The following PPFIBP1 variants were observed in gnomAD, a reference collection of about 807,000 sequenced individuals.
PPFIBP1 encodes the protein PPFIB scaffold protein 1.
In PPFIBP1, 112 loss-of-function variants were observed where a neutral mutation model predicts 137.8. That is an observed-to-expected ratio of 0.81 (90% CI 0.70 to 0.95). The LOEUF is 0.95. Ranked by LOEUF, PPFIBP1 falls within the 40% of genes least tolerant of loss-of-function variation. The probability of loss-of-function intolerance (pLI) is 0.00; values close to 1 mark genes in which losing one functional copy is unlikely to be tolerated. For missense variants in PPFIBP1, 1,083 were observed against 1,196.6 expected, an observed-to-expected ratio of 0.91 and a Z score of 1.40; for synonymous variants, 378 against 417.3, an observed-to-expected ratio of 0.91 and a Z score of 1.15.
chr12:27,685,531 T>C (rs553396865), intron 24 of PPFIBP1, among the ~76,000 whole-genome samples: 2 of 152,002 alleles, frequency 1.3e-5, no homozygotes, highest in African/African-American at 4.8e-5. Flanking sequence ...GTGAGTATGT[T>C]CCCCCTGAGA....
Position 27,582,586 on chromosome 12 carries a change from G to T in PPFIBP1, c.-36+4347G>T, listed in dbSNP as rs138058169. Among the ~76,000 whole-genome samples the T allele has an allele frequency of 8.5e-4, 130 of 152,278 alleles. No individual in the cohort carries two copies. In the East Asian group the frequency reaches 0.022, roughly 26 times the overall value. On this transcript the variant is annotated intron_variant, in intron 2 of 29. Coordinates refer to ENST00000228425, the MANE Select transcript of PPFIBP1 (RefSeq NM_003622.4). The stretch of plus-strand genomic sequence containing the variant: ...GCATGGTAATCAAAGAAATGAGATT[G>T]GGTTCCCTGGGTGTGGTCTGCATTC...
intron 1 of PPFIBP1, among the ~76,000 whole-genome samples, chr12:27,558,207 C>T (rs1252579317): frequency 6.6e-6 from 1 of 151,612 alleles, no homozygotes; most frequent in Admixed American, 6.6e-5. Flanking sequence ...TTAGTATGCT[C>T]ACATATTCTC....
intron 2 of PPFIBP1, among the ~76,000 whole-genome samples, chr12:27,592,237 G>A (rs1257057357): frequency 6.6e-6 from 1 of 152,138 alleles, no homozygotes; most frequent in East Asian, 1.9e-4. Context: ...GGATGAATAT[G>A]CAATGGAGTT....
intron 2 of PPFIBP1, among the ~76,000 whole-genome samples, chr12:27,611,118 A>G (rs182600851): frequency 1.3e-3 from 196 of 152,314 alleles, no homozygotes; most frequent in African/African-American, 2.5e-3. Flanking sequence ...CAAATATGCT[A>G]TATCTAATTG....
intron 5 of PPFIBP1, 185 bp downstream of exon 5, chr12:27,646,333 A>T: frequency 1.6e-6 from 1 of 637,122 alleles, no homozygotes; most frequent in Admixed American, 2.1e-5. Context: ...ACCCAGTTTA[A>T]AAGGAGCTAC....
At chr12:27,669,424 T>C (rs2060046469) in intron 13 of PPFIBP1, among the ~76,000 whole-genome samples, 1 of 152,202 alleles carries the variant, frequency 6.6e-6, no homozygotes, top group South Asian at 2.1e-4. Context: ...AATAATCCCA[T>C]ATCCTTTTAG....
chr12:27,634,905 C>T lies in PPFIBP1; in HGVS notation c.65-5C>T. The T allele has an allele frequency of 6.2e-7, 1 of 1,612,668 alleles. No homozygotes were observed. The highest frequency in any genetic ancestry group is 8.5e-7 in the Non-Finnish European group (1 of 1,178,928). On this transcript the variant is annotated splice_region_variant and splice_polypyrimidine_tract_variant and intron_variant, in intron 3 of 29. Transcript: ENST00000228425. ...TTGCTCTCTCTGTGATTTTGTTTAA[C>T]TTAGGTTCTAAGGCTCTGGAATATT...
chr12:27,589,527 C>T (rs1400058905), intron 2 of PPFIBP1, among the ~76,000 whole-genome samples: 1 of 152,192 alleles, frequency 6.6e-6, no homozygotes, highest in Non-Finnish European at 1.5e-5. Context: ...TAATATATAG[C>T]ATGACACCCA....
At chr12:27,595,369 G>A (rs61915337) in intron 2 of PPFIBP1, among the ~76,000 whole-genome samples, 39,455 of 152,118 alleles carry the variant, frequency 0.26, 5,266 homozygotes, top group Middle Eastern at 0.33. Context: ...CCTGAGGCAA[G>A]AAGGGGAGAC....
At chr12:27,575,673 T>C (rs1243789820) in intron 1 of PPFIBP1, among the ~76,000 whole-genome samples, 1 of 152,224 alleles carries the variant, frequency 6.6e-6, no homozygotes, top group Non-Finnish European at 1.5e-5. Context: ...GTGAGTCAAA[T>C]AACAAGCTAT....
intron 2 of PPFIBP1, among the ~76,000 whole-genome samples, chr12:27,625,241 C>T (rs1168072852): frequency 4.6e-5 from 7 of 152,178 alleles, no homozygotes; most frequent in Admixed American, 4.6e-4. Context: ...TAAAATGAGA[C>T]TGTTTCAAAA....
intron 2 of PPFIBP1, among the ~76,000 whole-genome samples, chr12:27,602,218 C>G (rs1334586700): frequency 6.6e-6 from 1 of 152,180 alleles, no homozygotes; most frequent in Non-Finnish European, 1.5e-5. Context: ...TCCAAAGCAT[C>G]TAGAAACAGG....
intron 1 of PPFIBP1, among the ~76,000 whole-genome samples, chr12:27,537,119 A>C (rs1274996218): frequency 3.3e-5 from 5 of 151,520 alleles, no homozygotes; most frequent in Non-Finnish European, 7.4e-5. Context: ...GGAGCCCTGC[A>C]GGTAGTCCCT....
chr12:27,626,148 T>G (rs979723717), intron 2 of PPFIBP1, among the ~76,000 whole-genome samples: 4 of 151,892 alleles, frequency 2.6e-5, no homozygotes, highest in African/African-American at 9.7e-5. Flanking sequence ...GGCTAATAGA[T>G]TGGGGAGGAA....
chr12:27,688,531 C>T lies in PPFIBP1; in HGVS notation c.2496+108C>T, dbSNP rs1013134260. On this transcript the variant is annotated intron_variant, in intron 26 of 29. Coordinates refer to ENST00000228425, the MANE Select transcript of PPFIBP1 (RefSeq NM_003622.4). ...ATAATCCTAAAGTCATCTGACTCAACCCTCCTGCCCTATTTCTAGTAAACC... is the reference window on the plus strand; with the variant it reads ...ATAATCCTAAAGTCATCTGACTCAATCCTCCTGCCCTATTTCTAGTAAACC... The T allele has an allele frequency of 3.7e-5, 47 of 1,287,204 alleles. No homozygotes were observed. In the African/African-American group the frequency reaches 4.3e-4, roughly 12 times the overall value. The allele number at this position is 1,287,204 out of a possible 1,614,324, so 79.7% of individuals were successfully genotyped here.
intron 7 of PPFIBP1, among the ~76,000 whole-genome samples, chr12:27,653,943 G>A (rs1204882749): frequency 6.6e-6 from 1 of 152,126 alleles, no homozygotes; most frequent in African/African-American, 2.4e-5. Context: ...GTTGAAAATT[G>A]TCATTAAACT....
chr12:27,537,460 CA>C (rs1432175058), intron 1 of PPFIBP1, among the ~76,000 whole-genome samples: 1 of 152,076 alleles, frequency 6.6e-6, no homozygotes, highest in Non-Finnish European at 1.5e-5. Flanking sequence ...ACCTTACTGC[CA>C]GACAAATTTT....
chr12:27,688,011 G>T (rs1387312963), intron 25 of PPFIBP1, among the ~76,000 whole-genome samples: 2 of 152,090 alleles, frequency 1.3e-5, no homozygotes, highest in Non-Finnish European at 2.9e-5. Context: ...GTCTGAGCCT[G>T]GGAGATGGAG....
intron 2 of PPFIBP1, among the ~76,000 whole-genome samples, chr12:27,597,482 A>G (rs1367772623): frequency 6.6e-6 from 1 of 152,096 alleles, no homozygotes; most frequent in Admixed American, 6.5e-5. Context: ...ATAAGCATTC[A>G]GCTTTCTCTT....
Sources: allele counts gnomAD v4.1 joint callset (sites outside exome capture counted in the v4.1 genomes callset), GRCh38; gene constraint gnomAD v4.1.1; transcripts MANE v1.5; gene names NCBI Gene and HGNC (gene_info 2026-07-23, HGNC 2026-07-21).